The following RNF216 variants were observed in gnomAD, a reference collection of about 807,000 sequenced individuals.
RNF216 encodes the protein ring finger protein 216, also known as E3 ubiquitin-protein ligase RNF216.
Under a neutral mutation model 110.8 loss-of-function variants are expected in RNF216, and 72 were observed. The ratio of observed to expected loss-of-function variants is 0.65; its 90% CI spans 0.54 to 0.79. The LOEUF (loss-of-function observed/expected upper bound fraction) is 0.79, where lower values mean the gene tolerates loss of function less well. RNF216 is among the 30% of genes least tolerant of loss of function. The pLI is 0.00. For missense variants in RNF216, 1,342 were observed against 1,141.2 expected, an observed-to-expected ratio of 1.18 and a Z score of -2.54; for synonymous variants, 495 against 407.5, an observed-to-expected ratio of 1.21 and a Z score of -2.59.
At chr7:5,641,642 A>G (rs1787740045) in intron 14 of RNF216, among the ~76,000 whole-genome samples, 1 of 152,138 alleles carries the variant, frequency 6.6e-6, no homozygotes, top group Non-Finnish European at 1.5e-5. Context: ...GTGTTTTGAG[A>G]ATTACAGACA....
intron 14 of RNF216, among the ~76,000 whole-genome samples, chr7:5,646,983 G>C (rs142040572): frequency 6.6e-6 from 1 of 152,160 alleles, no homozygotes; most frequent in Non-Finnish European, 1.5e-5. Context: ...AGACATGTAC[G>C]TAGTCTTCTA....
chr7:5,644,606 A>T (rs993934115), intron 14 of RNF216, among the ~76,000 whole-genome samples: 1 of 151,976 alleles, frequency 6.6e-6, no homozygotes, highest in African/African-American at 2.4e-5. Context: ...CCTGGGCTCA[A>T]GTGATTTCCC....
At chr7:5,736,694 C>T (rs2128648482) in intron 5 of RNF216, among the ~76,000 whole-genome samples, 1 of 151,956 alleles carries the variant, frequency 6.6e-6, no homozygotes, top group East Asian at 1.9e-4. Flanking sequence ...TGCCGGGCCA[C>T]CCATCATCTG....
chr7:5,699,829 T>C (rs1255783017), intron 13 of RNF216, among the ~76,000 whole-genome samples: 3 of 152,256 alleles, frequency 2.0e-5, no homozygotes, highest in Non-Finnish European at 2.9e-5. Flanking sequence ...GGGAAGGCCA[T>C]GTGGCCTCTG....
intron 13 of RNF216, among the ~76,000 whole-genome samples, chr7:5,686,518 C>G (rs2128609654): frequency 6.6e-6 from 1 of 152,276 alleles, no homozygotes; most frequent in East Asian, 1.9e-4. Context: ...CCATCAGTGC[C>G]TTTAGGAAAG....
At chr7:5,722,650 A>T (rs11531468) in intron 8 of RNF216, among the ~76,000 whole-genome samples, 124,785 of 151,692 alleles carry the variant, frequency 0.82, 53,146 homozygotes, top group Non-Finnish European at 0.92. Flanking sequence ...TCGGCCTCCC[A>T]AAGTGCCAGG....
intron 1 of RNF216, among the ~76,000 whole-genome samples, chr7:5,779,465 A>G (rs1296932988): frequency 6.6e-6 from 1 of 152,066 alleles, no homozygotes; most frequent in Non-Finnish European, 1.5e-5. Context: ...CAGGCCATGT[A>G]TTAGCCTTCT....
At chr7:5,755,214 AAAGG>A (rs1473519761) in intron 2 of RNF216, among the ~76,000 whole-genome samples, 2 of 112,010 alleles carry the variant, frequency 1.8e-5, no homozygotes, top group African/African-American at 3.3e-5. Context: ...GGGAAGGAAG[AAAGG>A]AAGGAAGGGA....
chr7:5,729,516 G>A lies in RNF216; in HGVS notation c.1305C>T (p.Leu435=). ...QRCFIQAADL[L]MADFKVLSSQ... is the part of the protein sequence containing the mutation. ...TACTGAGCACTTTGAAGTCGGCCAT[G>A]AGGAGGTCAGCAGCTTGGATGAAGC... Residue 435 remains leucine (L), a synonymous_variant, in exon 7 of 17, where the codon CTC becomes CTT. Coordinates refer to ENST00000389902, the MANE Select transcript of RNF216 (RefSeq NM_207111.4). 12 of 1,614,168 alleles carry A rather than the reference G, an allele frequency of 7.4e-6. No homozygotes were observed. The highest frequency in any genetic ancestry group is 9.3e-6 in the Non-Finnish European group (11 of 1,180,010).
At chr7:5,676,217 G>C (rs1301651237) in intron 13 of RNF216, among the ~76,000 whole-genome samples, 1 of 151,918 alleles carries the variant, frequency 6.6e-6, no homozygotes, top group Non-Finnish European at 1.5e-5. Context: ...TTGCCATGTT[G>C]GTCAGGCTGA....
intron 13 of RNF216, among the ~76,000 whole-genome samples, chr7:5,701,280 G>A (rs1791952080): frequency 1.3e-5 from 2 of 152,232 alleles, no homozygotes; most frequent in African/African-American, 4.8e-5. Flanking sequence ...GGAGCTGGTA[G>A]AAATGAGTTG....
At chr7:5,769,987 C>T (rs1267139190) in intron 1 of RNF216, among the ~76,000 whole-genome samples, 1 of 113,034 alleles carries the variant, frequency 8.8e-6, no homozygotes, top group Non-Finnish European at 1.7e-5. Context: ...GATTGTGCCA[C>T]TGTACTCCAA....
At chr7:5,634,766 G>A (rs143768394) in intron 15 of RNF216, among the ~76,000 whole-genome samples, 1 of 152,356 alleles carries the variant, frequency 6.6e-6, no homozygotes, top group East Asian at 1.9e-4. Flanking sequence ...CAGGGGCCTG[G>A]TGGGATCTGC....
chr7:5,683,940 G>A (rs1488965427), intron 13 of RNF216, among the ~76,000 whole-genome samples: 7 of 152,114 alleles, frequency 4.6e-5, no homozygotes. Flanking sequence ...TGTGTCTGGT[G>A]AGAAGGCTGG....
intron 13 of RNF216, among the ~76,000 whole-genome samples, chr7:5,652,798 A>C (rs537283973): frequency 3.1e-4 from 47 of 152,282 alleles, no homozygotes; most frequent in Middle Eastern, 6.8e-3. Context: ...CCTTAAAAAA[A>C]AGACAAAGAG....
rs852442 is a variant in RNF216 at position 5,620,426 on chromosome 7, T to A, written c.*2434A>T. 0.14 allele frequency: 21,425 copies of A among 152,356 alleles called. 3,289 individuals carry two copies. Among genetic ancestry groups the A allele is most frequent in the African/African-American group, 0.38 (15,967 of 41,500 alleles). 9.4% of individuals were successfully genotyped at this position (152,356 alleles called of 1,614,324 possible). A position where few individuals can be genotyped will look rare whatever the true frequency, so the allele number is the denominator to read the frequency against. ...TGGCACGGCCCCTTGCTGGCTGGTCTGAAGACCCCCAGTGCTTCTCTCCCC... is the reference window on the plus strand; with the variant it reads ...TGGCACGGCCCCTTGCTGGCTGGTCAGAAGACCCCCAGTGCTTCTCTCCCC... On this transcript the variant is annotated 3_prime_UTR_variant, in exon 17 of 17. Coordinates refer to ENST00000389902, the MANE Select transcript of RNF216 (RefSeq NM_207111.4).
At chr7:5,753,671 G>C (rs1289954967) in intron 2 of RNF216, among the ~76,000 whole-genome samples, 1 of 152,138 alleles carries the variant, frequency 6.6e-6, no homozygotes, top group Non-Finnish European at 1.5e-5. Context: ...CTAGTTCCAT[G>C]GGAATATCAA....
intron 13 of RNF216, among the ~76,000 whole-genome samples, chr7:5,695,472 T>C (rs1791568178): frequency 6.6e-6 from 1 of 152,232 alleles, no homozygotes; most frequent in Non-Finnish European, 1.5e-5. Flanking sequence ...TAAGCAAGGC[T>C]GTTAGGCACG....
At chr7:5,763,597 GTCTC>G (rs201023713) in intron 1 of RNF216, among the ~76,000 whole-genome samples, 1 of 152,024 alleles carries the variant, frequency 6.6e-6, no homozygotes, top group Non-Finnish European at 1.5e-5. Flanking sequence ...TTTTGAGCCA[GTCTC>G]TCTCTGTCAT....
Sources: gnomAD v4.1 joint callset for allele counts (sites outside exome capture counted in the v4.1 genomes callset) on GRCh38, gnomAD v4.1.1 for gene constraint, MANE v1.5 for transcripts, NCBI Gene and HGNC (gene_info 2026-07-23, HGNC 2026-07-21) for gene names.